Variants in CAMKMT observed in about 807,000 individuals in gnomAD.
CAMKMT encodes the protein CaM KMT.
Under a neutral mutation model 48.0 loss-of-function variants are expected in CAMKMT, and 53 were observed. That is an observed-to-expected ratio of 1.10 (90% CI 0.89 to 1.39). The LOEUF (loss-of-function observed/expected upper bound fraction) is 1.39, where lower values mean the gene tolerates loss of function less well. Among genes scored for constraint, CAMKMT ranks in the 40% most tolerant of loss-of-function variants. The pLI, the probability that CAMKMT is intolerant of heterozygous loss-of-function variation, is 0.00. For missense variants in CAMKMT, 428 were observed against 402.7 expected (o/e 1.06, Z -0.54); for synonymous variants, 165 against 152.3 (o/e 1.08, Z -0.61).
At chr2:44,463,719 A>G (rs549822911) in intron 3 of CAMKMT, among the ~76,000 whole-genome samples, 5 of 152,302 alleles carry the variant, frequency 3.3e-5, no homozygotes, top group African/African-American at 1.2e-4. Context: ...GGAAGAAACT[A>G]TAAACCGAAA....
intron 3 of CAMKMT, among the ~76,000 whole-genome samples, chr2:44,470,600 A>C (rs1668362213): frequency 6.6e-6 from 1 of 152,236 alleles, no homozygotes. Context: ...CTACTTAAAA[A>C]GTACGTTTAC....
chr2:44,652,469 G>A (rs1674130515), intron 3 of CAMKMT, among the ~76,000 whole-genome samples: 1 of 152,198 alleles, frequency 6.6e-6, no homozygotes, highest in Non-Finnish European at 1.5e-5. Flanking sequence ...GAAGTAACCA[G>A]GGATGACAAC....
chr2:44,654,229 G>A (rs956050865), intron 3 of CAMKMT, among the ~76,000 whole-genome samples: 3 of 152,052 alleles, frequency 2.0e-5, no homozygotes, highest in Non-Finnish European at 2.9e-5. Flanking sequence ...AGTTGTGGGG[G>A]AATGTAATTC....
chr2:44,401,737 A>G (rs971961250), intron 3 of CAMKMT, among the ~76,000 whole-genome samples: 1 of 152,076 alleles, frequency 6.6e-6, no homozygotes, highest in Non-Finnish European at 1.5e-5. Context: ...AAGGTTTAAT[A>G]TATTTTCAGT....
intron 9 of CAMKMT, among the ~76,000 whole-genome samples, chr2:44,757,416 T>C (rs955353102): frequency 2.6e-5 from 4 of 152,232 alleles, no homozygotes; most frequent in Non-Finnish European, 4.4e-5. Context: ...ATCTGGTCTC[T>C]GCCACTGACT....
chr2:44,422,191 T>C (rs887516355), intron 3 of CAMKMT, among the ~76,000 whole-genome samples: 17 of 152,152 alleles, frequency 1.1e-4, no homozygotes, highest in Admixed American at 4.6e-4. Context: ...AGTGTGTAGC[T>C]CCTCGCTTGC....
chr2:44,362,960 G>T (rs1678106354), intron 1 of CAMKMT, among the ~76,000 whole-genome samples: 1 of 152,136 alleles, frequency 6.6e-6, no homozygotes, highest in African/African-American at 2.4e-5. Flanking sequence ...GTTTTCTGCC[G>T]AAAACTTTAC....
chr2:44,524,965 T>TAAA (rs200808019), intron 3 of CAMKMT, among the ~76,000 whole-genome samples: 1 of 98,248 alleles, frequency 1.0e-5, no homozygotes, highest in Non-Finnish European at 2.4e-5. Context: ...GCAAATTTCA[T>TAAA]AAAAAAAAAA....
intron 5 of CAMKMT, among the ~76,000 whole-genome samples, chr2:44,706,797 G>A (rs541662756): frequency 1.6e-4 from 24 of 151,970 alleles, no homozygotes; most frequent in Admixed American, 1.4e-3. Context: ...CAGGAACGTC[G>A]TTCCCCATTC....
Position 44,634,787 on chromosome 2 carries a change from G to A in CAMKMT, c.377-69496G>A, listed in dbSNP as rs556807385. On this transcript the variant is annotated intron_variant, in intron 3 of 10. Coordinates refer to ENST00000378494, the MANE Select transcript of CAMKMT (RefSeq NM_024766.5). Reference sequence around the variant, plus strand: ...GTCTGGTTTTATAGGTATTCTCCAGGTTGAGGGCTAGCCAAAAAAAAAAAA... The same window carrying A: ...GTCTGGTTTTATAGGTATTCTCCAGATTGAGGGCTAGCCAAAAAAAAAAAA... Among the ~76,000 whole-genome samples, 4 of 86,662 alleles carry A rather than the reference G, an allele frequency of 4.6e-5. No individual in the cohort carries two copies. In the Admixed American group the frequency reaches 5.1e-4, roughly 11 times the overall value. The allele number at this position is 86,662 out of a possible 152,430, so 56.9% of individuals were successfully genotyped here. A position where few individuals can be genotyped will look rare whatever the true frequency, so the allele number is the denominator to read the frequency against.
intron 9 of CAMKMT, among the ~76,000 whole-genome samples, chr2:44,760,345 G>T (rs1680565297): frequency 6.6e-6 from 1 of 152,048 alleles, no homozygotes; most frequent in East Asian, 1.9e-4. Flanking sequence ...AGTGTCTGTG[G>T]TTTTGAGGTT....
chr2:44,386,680 C>T (rs1234038213), intron 2 of CAMKMT, among the ~76,000 whole-genome samples: 2 of 152,034 alleles, frequency 1.3e-5, no homozygotes, highest in Admixed American at 6.6e-5. Flanking sequence ...TTAGCATCAC[C>T]TTTGCTGTAT....
At chr2:44,503,984 G>GGAGGGA (rs1670131196) in intron 3 of CAMKMT, among the ~76,000 whole-genome samples, 1 of 142,690 alleles carries the variant, frequency 7.0e-6, no homozygotes, top group Admixed American at 7.0e-5. Flanking sequence ...GAGCGGGTGG[G>GGAGGGA]GAGAGAGAGA....
At chr2:44,578,487 ATG>A (rs1669364521) in intron 3 of CAMKMT, among the ~76,000 whole-genome samples, 1 of 151,980 alleles carries the variant, frequency 6.6e-6, no homozygotes. Flanking sequence ...GCAGGTTGTA[ATG>A]TGTTACTGAG....
At chr2:44,643,678 AT>A (rs1175472513) in intron 3 of CAMKMT, among the ~76,000 whole-genome samples, 1 of 152,138 alleles carries the variant, frequency 6.6e-6, no homozygotes, top group Non-Finnish European at 1.5e-5. Flanking sequence ...AATATTCTGT[AT>A]TTTTCTCAGA....
At chr2:44,482,305 T>C (rs1338248027) in intron 3 of CAMKMT, among the ~76,000 whole-genome samples, 4 of 152,132 alleles carry the variant, frequency 2.6e-5, no homozygotes, top group Non-Finnish European at 2.9e-5. Flanking sequence ...ATATGACTAG[T>C]TTTGTAAGCA....
chr2:44,487,139 AG>A (rs1483049110), intron 3 of CAMKMT, among the ~76,000 whole-genome samples: 1 of 152,232 alleles, frequency 6.6e-6, no homozygotes, highest in Non-Finnish European at 1.5e-5. Flanking sequence ...AATAAAAAAA[AG>A]TTTATGTTAA....
At chr2:44,648,969 G>T (rs554988838) in intron 3 of CAMKMT, among the ~76,000 whole-genome samples, 9 of 152,286 alleles carry the variant, frequency 5.9e-5, no homozygotes, top group Middle Eastern at 3.4e-3. Flanking sequence ...ATCTAGAGCT[G>T]CCACTGCCTC....
At chr2:44,498,022 G>T (rs1669839045) in intron 3 of CAMKMT, among the ~76,000 whole-genome samples, 1 of 152,134 alleles carries the variant, frequency 6.6e-6, no homozygotes, top group African/African-American at 2.4e-5. Flanking sequence ...AGACATCAGG[G>T]ATCATGGAGT....
Sources: allele counts gnomAD v4.1 joint callset (sites outside exome capture counted in the v4.1 genomes callset), GRCh38; gene constraint gnomAD v4.1.1; transcripts MANE v1.5; gene names NCBI Gene and HGNC (gene_info 2026-07-23, HGNC 2026-07-21).